TSPAN7: variants seen among roughly 807,000 people sequenced by gnomAD.
The protein encoded by TSPAN7 is tetraspanin 7, also known as tetraspanin-7.
In TSPAN7, 1 loss-of-function variant was observed where a neutral mutation model predicts 17.6. The observed-to-expected ratio is 0.06, with a 90% CI of 0.02 to 0.27. The LOEUF is 0.27. Among genes scored for constraint, TSPAN7 ranks in the 10% least tolerant of loss-of-function variants. The pLI, the probability that TSPAN7 is intolerant of heterozygous loss-of-function variation, is 1.00. For synonymous variants in TSPAN7, 78 were observed against 79.0 expected (o/e 0.99, Z 0.07); for missense variants, 112 against 201.7 (o/e 0.56, Z 2.69).
At chrX:38,686,950 C>T (rs1157872620) in intron 6 of TSPAN7, among the ~76,000 whole-genome samples, 1 of 110,577 alleles carries the variant, frequency 9.0e-6, no homozygotes, top group African/African-American at 3.3e-5. Flanking sequence ...GATGAGCCCA[C>T]TTAGGCCTAA....
intron 1 of TSPAN7, among the ~76,000 whole-genome samples, chrX:38,590,373 T>A (rs1207390767): frequency 8.9e-6 from 1 of 112,406 alleles, no homozygotes; most frequent in Non-Finnish European, 1.9e-5. Flanking sequence ...ATGGGGGTTG[T>A]TGGTGCATAG....
At chrX:38,612,182 G>A (rs1383989949) in intron 1 of TSPAN7, 3 of 111,572 alleles carry the variant, frequency 2.7e-5, no homozygotes, top group African/African-American at 6.5e-5. Context: ...CTCCTGATAG[G>A]CAGGACATTT....
At chrX:38,636,928 T>C (rs370756214) in intron 1 of TSPAN7, among the ~76,000 whole-genome samples, 2 of 112,099 alleles carry the variant, frequency 1.8e-5, no homozygotes, top group East Asian at 5.6e-4. Flanking sequence ...GTGCTGGGAT[T>C]ATAGGCGTGA....
chrX:38,573,191 A>T (rs2069178214), intron 1 of TSPAN7, among the ~76,000 whole-genome samples: 2 of 111,859 alleles, frequency 1.8e-5, no homozygotes. Context: ...TACTTGTTAA[A>T]TGAATAAATT....
intron 1 of TSPAN7, among the ~76,000 whole-genome samples, chrX:38,610,220 C>T (rs1186573651): frequency 9.0e-6 from 1 of 111,449 alleles, no homozygotes; most frequent in Non-Finnish European, 1.9e-5. Flanking sequence ...TTCATATTAA[C>T]CCATTTCACA....
chrX:38,666,597 CTTT>C (rs145226240), intron 2 of TSPAN7, among the ~76,000 whole-genome samples: 1 of 94,855 alleles, frequency 1.1e-5, no homozygotes, highest in Admixed American at 1.2e-4. Context: ...TGTTTCTTTT[CTTT>C]TTTTTTTTTT....
chrX:38,573,129 G>A (rs994070304), intron 1 of TSPAN7, among the ~76,000 whole-genome samples: 1 of 111,425 alleles, frequency 9.0e-6, no homozygotes, highest in African/African-American at 3.3e-5. Flanking sequence ...TATTCCTTAG[G>A]GTGTAAAGTG....
At chrX:38,588,079 A>G (rs774206241) in intron 1 of TSPAN7, among the ~76,000 whole-genome samples, 6 of 111,100 alleles carry the variant, frequency 5.4e-5, no homozygotes, top group African/African-American at 9.8e-5. Flanking sequence ...GTTTGAGATG[A>G]GTCTTGAAAT....
At chrX:38,670,493 A>G (rs1035169775) in intron 2 of TSPAN7, among the ~76,000 whole-genome samples, 2 of 112,216 alleles carry the variant, frequency 1.8e-5, no homozygotes, top group African/African-American at 3.2e-5. Flanking sequence ...CATTAGTAGT[A>G]TAGTGCATTT....
intron 2 of TSPAN7, among the ~76,000 whole-genome samples, chrX:38,670,749 C>T (rs929526306): frequency 8.9e-6 from 1 of 112,673 alleles, no homozygotes; most frequent in African/African-American, 3.2e-5. Flanking sequence ...GCAGCAGGTT[C>T]TCATCCTGGC....
At chrX:38,615,267 C>G (rs1176268981) in intron 1 of TSPAN7, among the ~76,000 whole-genome samples, 1 of 111,503 alleles carries the variant, frequency 9.0e-6, no homozygotes, top group Non-Finnish European at 1.9e-5. Flanking sequence ...TATTCTTTTT[C>G]ATAACTATAG....
intron 1 of TSPAN7, among the ~76,000 whole-genome samples, chrX:38,571,647 C>G (rs1173836956): frequency 9.0e-6 from 1 of 110,800 alleles, no homozygotes; most frequent in African/African-American, 3.3e-5. Context: ...CAATGTGTAT[C>G]AGAATCACCA....
Position 38,674,400 on chromosome X carries a change from G to C in TSPAN7, c.441+84G>C, listed in dbSNP as rs1451081329. On this transcript the variant is annotated intron_variant, in intron 4 of 7. Transcript: ENST00000378482. ...GGACTGCCTGTAGGTTGGCCCAGTA[G>C]TTGCTATTTGTTCCCGTTCTTCAAC... is the stretch of plus-strand genomic sequence containing the variant. 3 of 829,739 alleles carry C rather than the reference G, an allele frequency of 3.6e-6. No homozygotes were observed. In the African/African-American group the frequency reaches 6.1e-5, roughly 17 times the overall value. The allele number at this position is 829,739 out of a possible 1,213,427, so 68.4% of individuals were successfully genotyped here.
chrX:38,632,151 G>A (rs1030486402), intron 1 of TSPAN7, among the ~76,000 whole-genome samples: 6 of 111,515 alleles, frequency 5.4e-5, no homozygotes, highest in African/African-American at 1.6e-4. Context: ...TTATGCTAAT[G>A]CCATTAAGAT....
intron 1 of TSPAN7, among the ~76,000 whole-genome samples, chrX:38,606,501 G>A (rs1349349062): frequency 1.8e-5 from 2 of 111,680 alleles, no homozygotes; most frequent in African/African-American, 3.3e-5. Context: ...CAGAGCTACA[G>A]CCTTCTTTAA....
chrX:38,607,994 C>T (rs183906326), intron 1 of TSPAN7, among the ~76,000 whole-genome samples: 3 of 110,877 alleles, frequency 2.7e-5, no homozygotes, highest in Non-Finnish European at 5.7e-5. Flanking sequence ...TGAATCTTTC[C>T]TGATTCAGCC....
At chrX:38,607,221 C>T (rs2069388545) in intron 1 of TSPAN7, among the ~76,000 whole-genome samples, 1 of 111,648 alleles carries the variant, frequency 9.0e-6, no homozygotes, top group African/African-American at 3.3e-5. Flanking sequence ...CCAGAGACTG[C>T]ACTGGGCTGC....
chrX:38,653,977 C>G (rs1048171830), intron 1 of TSPAN7, among the ~76,000 whole-genome samples: 5 of 111,559 alleles, frequency 4.5e-5, no homozygotes, highest in African/African-American at 1.6e-4. Flanking sequence ...TTATGGCAGC[C>G]AAATTCTCAG....
intron 1 of TSPAN7, among the ~76,000 whole-genome samples, chrX:38,633,668 G>T (rs1400568415): frequency 8.9e-6 from 1 of 112,023 alleles, no homozygotes; most frequent in Non-Finnish European, 1.9e-5. Flanking sequence ...CTTTATTCAT[G>T]TCAACATGGA....
Sources: allele counts gnomAD v4.1 joint callset (sites outside exome capture counted in the v4.1 genomes callset), GRCh38; gene constraint gnomAD v4.1.1; transcripts MANE v1.5; gene names NCBI Gene and HGNC (gene_info 2026-07-23, HGNC 2026-07-21).